KCNIP1: variants seen among roughly 807,000 people sequenced by gnomAD.
KCNIP1 encodes A-type potassium channel modulatory protein KCNIP1.
Under a neutral mutation model 33.0 loss-of-function variants are expected in KCNIP1, and 18 were observed. That is an observed-to-expected ratio of 0.55 (90% CI 0.38 to 0.81). The LOEUF (loss-of-function observed/expected upper bound fraction) is 0.81. Ranked by LOEUF, KCNIP1 falls within the 30% of genes least tolerant of loss-of-function variation. The pLI is 0.00. For missense variants in KCNIP1, 238 were observed against 271.6 expected, an observed-to-expected ratio of 0.88 and a Z score of 0.87; for synonymous variants, 93 against 98.3, an observed-to-expected ratio of 0.95 and a Z score of 0.32.
chr5:170,717,611 A>G (rs1763682202), intron 1 of KCNIP1, among the ~76,000 whole-genome samples: 2 of 152,216 alleles, frequency 1.3e-5, no homozygotes, highest in South Asian at 4.1e-4. Context: ...TTGGGATCAA[A>G]GTCTCAAAAG....
chr5:170,710,410 A>G (rs956330294), intron 1 of KCNIP1, among the ~76,000 whole-genome samples: 3 of 152,176 alleles, frequency 2.0e-5, no homozygotes, highest in Non-Finnish European at 2.9e-5. Flanking sequence ...GTTCACCATT[A>G]TTTTAAAGCC....
At chr5:170,694,092 C>T (rs1006612399) in intron 1 of KCNIP1, among the ~76,000 whole-genome samples, 29 of 152,240 alleles carry the variant, frequency 1.9e-4, no homozygotes, top group African/African-American at 3.6e-4. Flanking sequence ...AGCCAAAGAC[C>T]CCAATTTATC....
chr5:170,438,166 C>T (rs551895680), intron 1 of KCNIP1, among the ~76,000 whole-genome samples: 1 of 152,280 alleles, frequency 6.6e-6, no homozygotes, highest in East Asian at 1.9e-4. Context: ...GGCCCCAAAC[C>T]TTGCCCAGCC....
rs79989133 is a variant in KCNIP1 at position 170,699,814 on chromosome 5, G to A, written c.62-18944G>A. On this transcript the variant is annotated intron_variant, in intron 1 of 7. Transcript: ENST00000328939. ...AGGGAGTCTAGGGTCTCAGGCCTAT[G>A]TCACAGGCCCTCGATTGCCATGAGT... is the stretch of plus-strand genomic sequence containing the variant. Among the ~76,000 whole-genome samples the A allele has an allele frequency of 1.7e-4, 26 of 152,218 alleles. No individual in the cohort carries two copies. The East Asian group carries it at 4.6e-3, about 27-fold the overall frequency.
intron 1 of KCNIP1, among the ~76,000 whole-genome samples, chr5:170,463,401 G>C (rs1006597874): frequency 2.6e-5 from 4 of 152,062 alleles, no homozygotes; most frequent in African/African-American, 9.7e-5. Context: ...TACTGCTTAT[G>C]AATATAAACA....
chr5:170,736,070 A>T lies in KCNIP1; in HGVS notation c.*264A>T, dbSNP rs761438165. 63 of 510,520 alleles carry T rather than the reference A, an allele frequency of 1.2e-4. No individual in the cohort carries two copies. The highest frequency in any genetic ancestry group is 5.3e-4 in the Middle Eastern group (1 of 1,894). 31.6% of individuals were successfully genotyped at this position (510,520 alleles called of 1,614,324 possible). ...GTTTTGGAAGCATGCTCATCTCCTC[A>T]CACTGCTGCCCTATGGAAGGTCCCT... On this transcript the variant is annotated 3_prime_UTR_variant, in exon 8 of 8. Transcript: ENST00000328939.
At chr5:170,677,255 C>T (rs564358127) in intron 1 of KCNIP1, among the ~76,000 whole-genome samples, 1 of 152,300 alleles carries the variant, frequency 6.6e-6, no homozygotes, top group Admixed American at 6.5e-5. Context: ...TTAAGTAACT[C>T]ATCATAGTCA....
At chr5:170,426,132 C>T (rs1755607892) in intron 1 of KCNIP1, among the ~76,000 whole-genome samples, 1 of 152,156 alleles carries the variant, frequency 6.6e-6, no homozygotes, top group Admixed American at 6.5e-5. Flanking sequence ...CTTCCTCGAA[C>T]CACTGACTGA....
rs148151994 is a variant in KCNIP1 at position 170,542,607 on chromosome 5, C to T, written c.61+37974C>T. Among the ~76,000 whole-genome samples, 93 of 152,216 alleles carry T rather than the reference C, an allele frequency of 6.1e-4. 1 individual carries two copies. Among genetic ancestry groups the T allele is most frequent in the African/African-American group, 2.1e-3 (87 of 41,530 alleles). ...CCACAGGGGATATATTCCAAGACCC[C>T]CCGTTGGCACCTGAAATCACAGATA... is the stretch of plus-strand genomic sequence containing the variant. On this transcript the variant is annotated intron_variant, in intron 1 of 7. Transcript: ENST00000328939.
chr5:170,668,647 T>C lies in KCNIP1; in HGVS notation c.62-50111T>C, dbSNP rs534625322. Among the ~76,000 whole-genome samples the C allele has an allele frequency of 5.9e-5, 9 of 152,160 alleles. No homozygotes were observed. The South Asian group carries it at 1.9e-3, about 32-fold the overall frequency. On this transcript the variant is annotated intron_variant, in intron 1 of 7. Transcript: ENST00000328939. ...CCAGAACCCAGAAACCAGACAAGAG[T>C]TGGGAAACCATGATGGTGGAGGAGG... is the stretch of plus-strand genomic sequence containing the variant.
rs893410196 is a variant in KCNIP1 at position 170,608,662 on chromosome 5, C to T, written c.61+104029C>T. On this transcript the variant is annotated intron_variant, in intron 1 of 7. Transcript: ENST00000328939. ...TGATGGGCACCAGTAATCCCAGCGA[C>T]TCGGGAGGCTGAGGTAGGAGAATCG... 2.6e-5 allele frequency among the ~76,000 whole-genome samples: 4 copies of T among 151,968 alleles called. No homozygotes were observed. The East Asian group carries it at 7.7e-4, about 29-fold the overall frequency.
intron 1 of KCNIP1, among the ~76,000 whole-genome samples, chr5:170,424,633 C>T (rs969736097): frequency 1.3e-5 from 2 of 152,054 alleles, no homozygotes; most frequent in African/African-American, 4.8e-5. Flanking sequence ...AGTCCAAATC[C>T]CCATCGTCTC....
At chr5:170,518,500 A>G (rs1156833118) in intron 1 of KCNIP1, among the ~76,000 whole-genome samples, 2 of 152,232 alleles carry the variant, frequency 1.3e-5, no homozygotes, top group East Asian at 3.8e-4. Flanking sequence ...CAAGTCTTCA[A>G]TAAATATTTG....
intron 1 of KCNIP1, among the ~76,000 whole-genome samples, chr5:170,450,780 C>T (rs188424905): frequency 6.6e-5 from 10 of 152,312 alleles, no homozygotes; most frequent in Admixed American, 5.9e-4. Context: ...CACGCAGGAT[C>T]CCTTCCATTT....
chr5:170,561,115 T>C lies in KCNIP1; in HGVS notation c.61+56482T>C, dbSNP rs947005572. 74 of 456,052 alleles carry C rather than the reference T, an allele frequency of 1.6e-4. 1 individual carries two copies. Among genetic ancestry groups the C allele is most frequent in the Admixed American group, 6.8e-4 (29 of 42,574 alleles). 28.3% of individuals were successfully genotyped at this position (456,052 alleles called of 1,614,324 possible). The stretch of plus-strand genomic sequence containing the variant: ...CTTACCAAAGGGCATCTGTAATTAA[T>C]GTGGGCAGTGATAAAGGAGCTGGAG... On this transcript the variant is annotated intron_variant, in intron 1 of 7. Coordinates refer to ENST00000328939, the MANE Select transcript of KCNIP1 (RefSeq NM_014592.4).
intron 1 of KCNIP1, among the ~76,000 whole-genome samples, chr5:170,365,162 G>A (rs1763624419): frequency 6.6e-6 from 1 of 152,092 alleles, no homozygotes; most frequent in Non-Finnish European, 1.5e-5. Context: ...GGCCCTCATT[G>A]GGAGTTGAGA....
At chr5:170,546,827 A>G (rs755690007) in intron 1 of KCNIP1, among the ~76,000 whole-genome samples, 5 of 152,086 alleles carry the variant, frequency 3.3e-5, no homozygotes, top group African/African-American at 4.8e-5. Flanking sequence ...ATTTAGAGTC[A>G]CTCGCACATA....
At chr5:170,723,558 G>A (rs970016457) in intron 5 of KCNIP1, among the ~76,000 whole-genome samples, 6 of 152,108 alleles carry the variant, frequency 3.9e-5, no homozygotes, top group South Asian at 2.1e-4. Context: ...ACCTCAACCC[G>A]GCAAGCTTCT....
At chr5:170,395,999 C>G (rs1173289859) in intron 1 of KCNIP1, among the ~76,000 whole-genome samples, 1 of 152,216 alleles carries the variant, frequency 6.6e-6, no homozygotes, top group African/African-American at 2.4e-5. Flanking sequence ...GTTCAACCAT[C>G]AGGAGCTGAA....
Sources: allele counts gnomAD v4.1 joint callset (sites outside exome capture counted in the v4.1 genomes callset), GRCh38; gene constraint gnomAD v4.1.1; transcripts MANE v1.5; gene names NCBI Gene and HGNC (gene_info 2026-07-23, HGNC 2026-07-21).